Variants in SRD5A3 observed in about 807,000 individuals in gnomAD.
SRD5A3 encodes steroid 5 alpha-reductase 3.
A neutral mutation model predicts 34.3 loss-of-function variants in SRD5A3; 24 were observed. The ratio of observed to expected loss-of-function variants is 0.70; its 90% CI spans 0.51 to 0.99. The LOEUF is 0.99. Among genes scored for constraint, SRD5A3 ranks in the 50% least tolerant of loss-of-function variants. The probability of loss-of-function intolerance (pLI) is 0.00; values close to 1 mark genes in which losing one functional copy is unlikely to be tolerated. For synonymous variants in SRD5A3, 161 were observed against 167.3 expected (o/e 0.96, Z 0.29); for missense variants, 350 against 388.2 (o/e 0.90, Z 0.83).
chr4:55,351,918 A>C (rs1719209560), intron 1 of SRD5A3: 2 of 690,488 alleles, frequency 2.9e-6, no homozygotes, highest in Admixed American at 1.8e-5. Flanking sequence ...TCTTCTTTTA[A>C]GGTCCTGGTC....
At chr4:55,348,535 C>T (rs1578200036) in intron 1 of SRD5A3, among the ~76,000 whole-genome samples, 1 of 152,112 alleles carries the variant, frequency 6.6e-6, no homozygotes. Flanking sequence ...ATGCTTATCA[C>T]TTTTATCATT....
chr4:55,364,333 C>A, intron 3 of SRD5A3, 62 bp downstream of exon 3: 1 of 1,555,188 alleles, frequency 6.4e-7, no homozygotes, highest in Non-Finnish European at 8.9e-7. Context: ...GCTCTCGGGG[C>A]TTGTGCTGTG....
In SRD5A3 at chr4:55,370,239, A is replaced by T; in HGVS notation, c.*148A>T. On this transcript the variant is annotated 3_prime_UTR_variant, in exon 5 of 5. Transcript: ENST00000264228. ...CCCCACAAGTTTTCACTGAATGAGC[A>T]TGGCAGTGCCACTCAAGAAAATGAA... The T allele has an allele frequency of 1.0e-6, 1 of 992,662 alleles. No homozygotes were observed. Among genetic ancestry groups the T allele is most frequent in the Admixed American group, 2.1e-5 (1 of 48,286 alleles). The allele number at this position is 992,662 out of a possible 1,614,324, so 61.5% of individuals were successfully genotyped here.
At chr4:55,358,379 G>A (rs13150620) in intron 1 of SRD5A3, among the ~76,000 whole-genome samples, 26,524 of 151,608 alleles carry the variant, frequency 0.17, 2,707 homozygotes, top group South Asian at 0.24. Flanking sequence ...AAAAGTTTAA[G>A]AATTAGCCAG....
chr4:55,350,199 A>T (rs910574873), intron 1 of SRD5A3, among the ~76,000 whole-genome samples: 5 of 152,088 alleles, frequency 3.3e-5, no homozygotes, highest in Non-Finnish European at 7.3e-5. Context: ...GTGAAACCCC[A>T]TCTCTACTAA....
rs570438642 is a variant in SRD5A3, at chr4:55,352,424, C to T, written c.221+5867C>T. The T allele has an allele frequency of 2.3e-5, 17 of 748,090 alleles. No homozygotes were observed. In the African/African-American group the frequency reaches 2.6e-4, roughly 11 times the overall value. 46.3% of individuals were successfully genotyped at this position (748,090 alleles called of 1,614,324 possible). Reference sequence around the variant, plus strand: ...GCTTCCCCATGGTCACACCACACTCCTGTGCTTGTATAATATTTTCAGAAG... The same window carrying T: ...GCTTCCCCATGGTCACACCACACTCTTGTGCTTGTATAATATTTTCAGAAG... On this transcript the variant is annotated intron_variant, in intron 1 of 4. Coordinates refer to ENST00000264228, the MANE Select transcript of SRD5A3 (RefSeq NM_024592.5).
At chr4:55,352,287 C>A in intron 1 of SRD5A3, 1 of 808,570 alleles carries the variant, frequency 1.2e-6, no homozygotes. Context: ...CTTTAACACG[C>A]TGGGATCCTT....
intron 4 of SRD5A3, 102 bp from the exon 5 acceptor site, chr4:55,369,730 C>CAAAA: frequency 3.1e-6 from 4 of 1,273,228 alleles, no homozygotes; most frequent in African/African-American, 1.6e-5. Context: ...GACTTTGCCT[C>CAAAA]AAAAAAAAAA....
chr4:55,357,777 G>A (rs1719525369), intron 1 of SRD5A3, among the ~76,000 whole-genome samples: 1 of 152,188 alleles, frequency 6.6e-6, no homozygotes, highest in Non-Finnish European at 1.5e-5. Context: ...CAGAATCATA[G>A]CTCACTATAA....
Position 55,350,107 on chromosome 4 carries a change from C to A in SRD5A3, c.221+3550C>A, listed in dbSNP as rs545279265. ...ATTACAGGCTGGGTGCAGTGGCTCA[C>A]ACCTGTAATCCCAGCACTTTGGGAG... On this transcript the variant is annotated intron_variant, in intron 1 of 4. Transcript: ENST00000264228. 7.0e-4 allele frequency among the ~76,000 whole-genome samples: 106 copies of A among 152,280 alleles called. 1 individual carries two copies. Among genetic ancestry groups the A allele is most frequent in the South Asian group, 6.9e-3 (33 of 4,814 alleles).
At chr4:55,354,912 T>C (rs901505692) in intron 1 of SRD5A3, among the ~76,000 whole-genome samples, 3 of 152,268 alleles carry the variant, frequency 2.0e-5, no homozygotes, top group African/African-American at 7.2e-5. Context: ...CTGGAGCAGC[T>C]GTGATTTAAA....
intron 1 of SRD5A3, 37 bp downstream of exon 1, chr4:55,346,594 G>T: frequency 6.5e-7 from 1 of 1,530,010 alleles, no homozygotes; most frequent in Non-Finnish European, 8.8e-7. Flanking sequence ...GGTGGTCAAG[G>T]CGCTGAGAGT....
intron 1 of SRD5A3, among the ~76,000 whole-genome samples, chr4:55,347,146 G>A (rs2109457629): frequency 6.6e-6 from 1 of 152,354 alleles, no homozygotes; most frequent in East Asian, 1.9e-4. Context: ...AGGCAGGCCC[G>A]TCCCGAAGCT....
chr4:55,356,636 A>ATTTCT (rs979782359), intron 1 of SRD5A3, among the ~76,000 whole-genome samples: 3 of 151,418 alleles, frequency 2.0e-5, no homozygotes, highest in African/African-American at 7.3e-5. Flanking sequence ...TAATTTTTTT[A>ATTTCT]TTTCTTTTCT....
At chr4:55,369,591 C>A in intron 4 of SRD5A3, 1 of 536,642 alleles carries the variant, frequency 1.9e-6, no homozygotes, top group South Asian at 2.2e-5. Flanking sequence ...ATGAGCCAGG[C>A]ATGGTGATGC....
chr4:55,367,800 C>T, intron 4 of SRD5A3, 78 bp downstream of exon 4: 1 of 1,570,866 alleles, frequency 6.4e-7, no homozygotes, highest in South Asian at 1.1e-5. Context: ...CATGCTTTTC[C>T]TTCCTGCCCT....
In SRD5A3 at chr4:55,371,261, CAG is replaced by C. The variant is rs1182482448; in HGVS notation, c.*1172_*1173del. 2 of 152,096 alleles carry C rather than the reference CAG, an allele frequency of 1.3e-5. No individual in the cohort carries two copies. Among genetic ancestry groups the C allele is most frequent in the Admixed American group, 6.5e-5 (1 of 15,276 alleles). 9.4% of individuals were successfully genotyped at this position (152,096 alleles called of 1,614,324 possible). On this transcript the variant is annotated 3_prime_UTR_variant, in exon 5 of 5. Coordinates refer to ENST00000264228, the MANE Select transcript of SRD5A3 (RefSeq NM_024592.5). ...GTCTGTGTGAGTTTATTTGAACTAG[CAG>C]AAAGTATCTGAAGATATTCAGGAAT...
At chr4:55,358,296 A>G (rs1719545884) in intron 1 of SRD5A3, among the ~76,000 whole-genome samples, 2 of 152,110 alleles carry the variant, frequency 1.3e-5, no homozygotes, top group Non-Finnish European at 1.5e-5. Context: ...TTGGGAAGCC[A>G]AGGTGGGAGG....
In SRD5A3 at chr4:55,347,347, G is replaced by C. The variant is rs370257229; in HGVS notation, c.221+790G>C. Among the ~76,000 whole-genome samples, 17 of 152,202 alleles carry C rather than the reference G, an allele frequency of 1.1e-4. No homozygotes were observed. In the East Asian group the frequency reaches 2.1e-3, roughly 19 times the overall value. On this transcript the variant is annotated intron_variant, in intron 1 of 4. Coordinates refer to ENST00000264228, the MANE Select transcript of SRD5A3 (RefSeq NM_024592.5). ...ACAGTGCCCCTTAAGATGCATCTTA[G>C]GCCGGGCGCAGTGGCTCACGCCTGT...
Sources: gnomAD v4.1 joint callset for allele counts (sites outside exome capture counted in the v4.1 genomes callset) on GRCh38, gnomAD v4.1.1 for gene constraint, MANE v1.5 for transcripts, NCBI Gene and HGNC (gene_info 2026-07-23, HGNC 2026-07-21) for gene names.